Variants in PFKFB3 observed in about 807,000 individuals in gnomAD.
The protein encoded by PFKFB3 is 6-phosphofructo-2-kinase/fructose-2,6-bisphosphatase 3.
Under a neutral mutation model 68.0 loss-of-function variants are expected in PFKFB3, and 33 were observed. The ratio of observed to expected loss-of-function variants is 0.49; its 90% CI spans 0.37 to 0.65. The LOEUF (loss-of-function observed/expected upper bound fraction) is 0.65, where lower values mean the gene tolerates loss of function less well. Ranked by LOEUF, PFKFB3 falls within the 30% of genes least tolerant of loss-of-function variation. The pLI is 0.00. For synonymous variants in PFKFB3, 315 were observed against 288.2 expected (o/e 1.09, Z -0.94); for missense variants, 586 against 712.2 (o/e 0.82, Z 2.02).
chr10:6,217,175 T>A lies in PFKFB3; in HGVS notation c.482T>A (p.Val161Glu), dbSNP rs1211172265. ...TCGGTGTGCGACGACCCTACAGTTG[T>A]GGCCTCCAATATCATGGTAAGACAG... is the stretch of plus-strand genomic sequence containing the variant. ...IESVCDDPTV[V>E]ASNIMEVKIS... The change falls in exon 6 of 15, where the codon GTG (valine) becomes GAG (glutamate). Residue 161 changes from valine to glutamate, a missense_variant. Transcript: ENST00000379775. 2 of 1,614,170 alleles carry A rather than the reference T, an allele frequency of 1.2e-6. No individual in the cohort carries two copies. Among genetic ancestry groups the A allele is most frequent in the Non-Finnish European group, 1.7e-6 (2 of 1,179,984 alleles).
chr10:6,222,154 T>C (rs1045885296), intron 10 of PFKFB3, among the ~76,000 whole-genome samples: 1 of 151,996 alleles, frequency 6.6e-6, no homozygotes, highest in Non-Finnish European at 1.5e-5. Flanking sequence ...GCCTGGTGTG[T>C]CCTCCCTGCC....
intron 1 of PFKFB3, among the ~76,000 whole-genome samples, chr10:6,178,855 A>G (rs991079678): frequency 4.6e-5 from 7 of 152,170 alleles, no homozygotes; most frequent in African/African-American, 1.7e-4. Context: ...GCCGGGACGC[A>G]GCGCACTGGT....
At chr10:6,180,768 T>G (rs1450066338) in intron 1 of PFKFB3, among the ~76,000 whole-genome samples, 1 of 152,166 alleles carries the variant, frequency 6.6e-6, no homozygotes. Context: ...CCTAGGTTAT[T>G]TTAATATAGT....
chr10:6,274,718 T>C, the PFKFB3 span, among the ~76,000 whole-genome samples: 1 of 151,974 alleles, frequency 6.6e-6, no homozygotes, highest in Non-Finnish European at 1.5e-5. Flanking sequence ...ACGCCTATAG[T>C]CCGAGCAACT....
chr10:6,217,633 G>A (rs1422670569), intron 6 of PFKFB3, among the ~76,000 whole-genome samples: 2 of 152,114 alleles, frequency 1.3e-5, no homozygotes, highest in Non-Finnish European at 2.9e-5. Flanking sequence ...CTGAGTTTGG[G>A]AGGTAAGACT....
upstream of PFKFB3, among the ~76,000 whole-genome samples, chr10:6,201,488 G>A (rs1246788453): frequency 7.4e-5 from 11 of 148,180 alleles, no homozygotes; most frequent in Non-Finnish European, 1.5e-4. The surrounding 1 kb of genome is among the most constrained non-coding windows in gnomAD (Gnocchi z 4.1). Flanking sequence ...GGAGGGTGGC[G>A]GGGCACAGGC....
intron 1 of PFKFB3, among the ~76,000 whole-genome samples, chr10:6,193,955 C>A (rs1177670882): frequency 2.0e-5 from 3 of 152,210 alleles, no homozygotes; most frequent in Non-Finnish European, 4.4e-5. Context: ...TTGCTTCAGG[C>A]CATCTGGATG....
intron 1 of PFKFB3, among the ~76,000 whole-genome samples, chr10:6,177,390 T>TTTCTTTC (rs1554842903): frequency 8.2e-4 from 52 of 63,720 alleles, no homozygotes; most frequent in African/African-American, 1.8e-3. Context: ...CTTTCTTTCT[T>TTTCTTTC]TCTTTCTTTC....
Position 6,179,380 on chromosome 10 carries a change from A to C in PFKFB3, c.17-34243A>C, listed in dbSNP as rs572429299. 9.8e-5 allele frequency among the ~76,000 whole-genome samples: 15 copies of C among 152,320 alleles called. No individual in the cohort carries two copies. The South Asian group carries it at 2.9e-3, about 29-fold the overall frequency. The stretch of plus-strand genomic sequence containing the variant: ...ACAAATCCAAATAAGGGATCATCCA[A>C]ATCCTTTATTTTCTCTCGAAGTTTT... On this transcript the variant is annotated intron_variant, in intron 1 of 14. Coordinates refer to the PFKFB3 transcript ENST00000379789.
At chr10:6,315,520 G>A in the PFKFB3 span, among the ~76,000 whole-genome samples, 1 of 152,130 alleles carries the variant, frequency 6.6e-6, no homozygotes, top group Non-Finnish European at 1.5e-5. Context: ...TGGGGTCTCT[G>A]TTGTCCAGGC....
intron 1 of PFKFB3, 58 bp downstream of exon 1, chr10:6,203,394 G>C: frequency 7.1e-7 from 1 of 1,401,508 alleles, no homozygotes; most frequent in Non-Finnish European, 9.8e-7. Flanking sequence ...CCGGGCCATT[G>C]TGTGGGGCGG....
At chr10:6,226,109 A>G in intron 13 of PFKFB3, 83 bp from the exon 14 acceptor site, 1 of 1,250,994 alleles carries the variant, frequency 8.0e-7, no homozygotes, top group South Asian at 1.4e-5. Flanking sequence ...AAAATCCAGG[A>G]GCAGAGAAAC....
At chr10:6,294,898 G>C in the PFKFB3 span, among the ~76,000 whole-genome samples, 2 of 151,394 alleles carry the variant, frequency 1.3e-5, no homozygotes, top group Non-Finnish European at 2.9e-5. Context: ...TTTCTGGTCT[G>C]ATAATCCCCA....
chr10:6,181,756 C>T (rs1842717843), intron 1 of PFKFB3, among the ~76,000 whole-genome samples: 1 of 147,866 alleles, frequency 6.8e-6, no homozygotes, highest in Non-Finnish European at 1.5e-5. Flanking sequence ...CAAGATTGTG[C>T]CACTGCACTC....
intron 13 of PFKFB3, chr10:6,225,029 G>C (rs1485518182): frequency 2.3e-6 from 1 of 433,834 alleles, no homozygotes. Context: ...AGGCCTGGCC[G>C]TGCAGCTGCT....
intron 1 of PFKFB3, among the ~76,000 whole-genome samples, chr10:6,177,381 T>C (rs1842512236): frequency 9.0e-6 from 1 of 110,866 alleles, no homozygotes. Flanking sequence ...TCTTTCTTTC[T>C]TTCTTTCTTT....
the PFKFB3 span, among the ~76,000 whole-genome samples, chr10:6,302,787 C>CAT: frequency 1.5e-5 from 2 of 131,582 alleles, no homozygotes; most frequent in Admixed American, 7.7e-5. Context: ...CACATATACA[C>CAT]ATACACATAT....
At chr10:6,306,900 T>C in the PFKFB3 span, among the ~76,000 whole-genome samples, 3 of 152,222 alleles carry the variant, frequency 2.0e-5, no homozygotes, top group Non-Finnish European at 4.4e-5. Flanking sequence ...ACGTATTAAC[T>C]TCATTGGGCC....
At chr10:6,150,299 T>C (rs1384882568) in intron 1 of PFKFB3, among the ~76,000 whole-genome samples, 1 of 152,174 alleles carries the variant, frequency 6.6e-6, no homozygotes, top group Non-Finnish European at 1.5e-5. Flanking sequence ...TCATTTTCTT[T>C]TGGAATGAGT....
Sources: gnomAD v4.1 joint callset for allele counts (sites outside exome capture counted in the v4.1 genomes callset) on GRCh38, gnomAD v4.1.1 for gene constraint, Gnocchi (gnomAD v3.1) non-coding constraint, MANE v1.5 for transcripts, NCBI Gene and HGNC (gene_info 2026-07-23, HGNC 2026-07-21) for gene names.